Variants in SLC25A26 observed in about 807,000 individuals in gnomAD.
SLC25A26 encodes mitochondrial S-adenosylmethionine carrier protein.
Under a neutral mutation model 37.8 loss-of-function variants are expected in SLC25A26, and 36 were observed. The observed-to-expected ratio is 0.95, with a 90% CI of 0.73 to 1.26. The LOEUF (loss-of-function observed/expected upper bound fraction) is 1.26, where lower values mean the gene tolerates loss of function less well. Among genes scored for constraint, SLC25A26 ranks in the 50% most tolerant of loss-of-function variants. The pLI, the probability that SLC25A26 is intolerant of heterozygous loss-of-function variation, is 0.00. For synonymous variants in SLC25A26, 129 were observed against 122.5 expected (o/e 1.05, Z -0.35); for missense variants, 390 against 331.1 (o/e 1.18, Z -1.38).
intron 6 of SLC25A26, among the ~76,000 whole-genome samples, chr3:66,360,514 A>G (rs183972743): frequency 1.8e-4 from 28 of 152,340 alleles, no homozygotes; most frequent in Admixed American, 3.9e-4. Flanking sequence ...ATAAAAAAAA[A>G]GCTATGAGGT....
chr3:66,235,054 C>G (rs1376456972), intron 1 of SLC25A26, among the ~76,000 whole-genome samples: 2 of 152,088 alleles, frequency 1.3e-5, no homozygotes, highest in East Asian at 1.9e-4. Context: ...CGTATCAGAA[C>G]AAACGTTATG....
chr3:66,296,293 G>T (rs1046767698), intron 5 of SLC25A26, among the ~76,000 whole-genome samples: 2 of 152,108 alleles, frequency 1.3e-5, no homozygotes, highest in Non-Finnish European at 2.9e-5. Flanking sequence ...AGGATACTCA[G>T]GTTTGCTTTG....
At chr3:66,366,174 G>C (rs1164605361) in intron 7 of SLC25A26, among the ~76,000 whole-genome samples, 1 of 152,200 alleles carries the variant, frequency 6.6e-6, no homozygotes, top group Non-Finnish European at 1.5e-5. Context: ...ATAGAAAACT[G>C]TTTCACAGAT....
Position 66,221,025 on chromosome 3 carries a change from C to T in SLC25A26, c.-70C>T. ...CAGACCCGCCTCAAACATGGCGGCG[C>T]CCAGCGCGCGAGGACGTGATCCGCT... On this transcript the variant is annotated 5_prime_UTR_variant, in exon 1 of 10. Coordinates refer to ENST00000354883, the MANE Select transcript of SLC25A26 (RefSeq NM_001379210.1). The T allele has an allele frequency of 6.6e-7, 1 of 1,504,998 alleles. No individual in the cohort carries two copies. Among genetic ancestry groups the T allele is most frequent in the South Asian group, 1.2e-5 (1 of 83,396 alleles). 93.2% of individuals were successfully genotyped at this position (1,504,998 alleles called of 1,614,324 possible).
At chr3:66,345,524 T>G (rs2076300564) in intron 5 of SLC25A26, among the ~76,000 whole-genome samples, 1 of 144,432 alleles carries the variant, frequency 6.9e-6, no homozygotes, top group Non-Finnish European at 1.5e-5. Flanking sequence ...CCTGCTTTCT[T>G]TCCCCTCCTT....
intron 6 of SLC25A26, among the ~76,000 whole-genome samples, chr3:66,356,716 C>T (rs2076584473): frequency 6.6e-6 from 1 of 152,150 alleles, no homozygotes; most frequent in African/African-American, 2.4e-5. Context: ...GCAGCTTCAA[C>T]CTCCCAGGCT....
intron 2 of SLC25A26, among the ~76,000 whole-genome samples, chr3:66,238,712 A>G (rs1048940439): frequency 1.4e-4 from 22 of 152,184 alleles, no homozygotes; most frequent in Non-Finnish European, 2.2e-4. Flanking sequence ...CAGAGAAAAA[A>G]TACTAAGAAA....
intron 6 of SLC25A26, among the ~76,000 whole-genome samples, chr3:66,356,733 A>G (rs372533788): frequency 3.9e-5 from 6 of 152,252 alleles, no homozygotes; most frequent in African/African-American, 1.4e-4. Context: ...GGCTCAAGCA[A>G]TCCTGCTGCC....
chr3:66,255,740 A>C (rs891343360), intron 3 of SLC25A26, among the ~76,000 whole-genome samples: 1 of 152,212 alleles, frequency 6.6e-6, no homozygotes, highest in African/African-American at 2.4e-5. Flanking sequence ...TGTGCAGTGA[A>C]ATACTTTGTT....
chr3:66,276,010 A>G (rs547248455), intron 5 of SLC25A26, among the ~76,000 whole-genome samples: 2 of 152,252 alleles, frequency 1.3e-5, no homozygotes, highest in South Asian at 2.1e-4. Flanking sequence ...AGAAAACTAA[A>G]TTTGAAGGTC....
chr3:66,267,151 G>A (rs566278398), intron 5 of SLC25A26, among the ~76,000 whole-genome samples: 1 of 152,156 alleles, frequency 6.6e-6, no homozygotes, highest in East Asian at 1.9e-4. Context: ...GTAATGATAA[G>A]TATATACAAG....
At chr3:66,319,840 A>G (rs1480290197) in intron 5 of SLC25A26, among the ~76,000 whole-genome samples, 3 of 129,644 alleles carry the variant, frequency 2.3e-5, no homozygotes, top group Non-Finnish European at 1.5e-5. Context: ...CGCAACCTCT[A>G]CTTCCCAGGT....
rs187965801 is a variant in SLC25A26, at chr3:66,224,669, A to G, written c.33+3542A>G. The stretch of plus-strand genomic sequence containing the variant: ...CAATCATGCCTTCTCAACAGTCCCC[A>G]AAGTCTTAACTCATTTTAGCATTAA... On this transcript the variant is annotated intron_variant, in intron 1 of 9. Coordinates refer to ENST00000354883, the MANE Select transcript of SLC25A26 (RefSeq NM_001379210.1). Among the ~76,000 whole-genome samples, 28 of 152,326 alleles carry G rather than the reference A, an allele frequency of 1.8e-4. 1 individual carries two copies. Among genetic ancestry groups the G allele is most frequent in the African/African-American group, 6.5e-4 (27 of 41,572 alleles).
chr3:66,319,744 CTTTTTTTTTT>C (rs71105981), intron 5 of SLC25A26, among the ~76,000 whole-genome samples: 4,192 of 92,084 alleles, frequency 0.046, 95 homozygotes, highest in Middle Eastern at 0.14. Context: ...GCAATTAAAT[CTTTTTTTTTT>C]TTTTTTTTTT....
intron 1 of SLC25A26, among the ~76,000 whole-genome samples, chr3:66,184,636 TA>T (rs2070791517): frequency 1.2e-4 from 1 of 8,126 alleles, no homozygotes; most frequent in African/African-American, 4.5e-4. Flanking sequence ...ATCCTCACTC[TA>T]AACCTGACCC....
intron 5 of SLC25A26, among the ~76,000 whole-genome samples, chr3:66,296,951 C>A (rs535661906): frequency 1.8e-4 from 28 of 152,326 alleles, no homozygotes; most frequent in African/African-American, 6.3e-4. Context: ...GTGTAGGCTG[C>A]AGGAAGCCAT....
In SLC25A26 at chr3:66,324,491, T is replaced by C. The variant is rs1194078190; in HGVS notation, c.454-21873T>C. ...GCAATTGGGGAGGTTAGGAATCTTG[T>C]GGCCTCTGGCTGCATGATTCCTGAG... is the stretch of plus-strand genomic sequence containing the variant. On this transcript the variant is annotated intron_variant, in intron 5 of 9. Coordinates refer to ENST00000354883, the MANE Select transcript of SLC25A26 (RefSeq NM_001379210.1). Among the ~76,000 whole-genome samples the C allele has an allele frequency of 2.6e-5, 4 of 152,180 alleles. No homozygotes were observed. In the East Asian group the frequency reaches 7.7e-4, roughly 29 times the overall value.
chr3:66,333,812 A>C (rs551762127), intron 5 of SLC25A26, among the ~76,000 whole-genome samples: 1 of 150,808 alleles, frequency 6.6e-6, no homozygotes, highest in Non-Finnish European at 1.5e-5. Flanking sequence ...TTGTCTCCAG[A>C]TACTTGTCCA....
intron 5 of SLC25A26, among the ~76,000 whole-genome samples, chr3:66,309,111 T>A (rs1195920614): frequency 6.6e-6 from 1 of 152,218 alleles, no homozygotes; most frequent in East Asian, 1.9e-4. Context: ...GAAGGAATGG[T>A]ACCTCTGGTA....
Sources: gnomAD v4.1 joint callset for allele counts (sites outside exome capture counted in the v4.1 genomes callset) on GRCh38, gnomAD v4.1.1 for gene constraint, MANE v1.5 for transcripts, NCBI Gene and HGNC (gene_info 2026-07-23, HGNC 2026-07-21) for gene names.